Variants in MCMDC2 observed in about 807,000 individuals in gnomAD.
MCMDC2 encodes the protein minichromosome maintenance domain-containing protein 2.
MCMDC2 carries 54 observed loss-of-function variants against 75.8 expected under a neutral mutation model. The ratio of observed to expected loss-of-function variants is 0.71; its 90% CI spans 0.57 to 0.89. MCMDC2 has a LOEUF of 0.89. Among genes scored for constraint, MCMDC2 ranks in the 40% least tolerant of loss-of-function variants. The pLI is 0.00. For missense variants in MCMDC2, 656 were observed against 780.4 expected (o/e 0.84, Z 1.90); for synonymous variants, 249 against 274.6 (o/e 0.91, Z 0.92).
chr8:66,877,988 A>G (rs1007882924), intron 5 of MCMDC2, among the ~76,000 whole-genome samples: 3 of 152,028 alleles, frequency 2.0e-5, no homozygotes, highest in Non-Finnish European at 4.4e-5. Flanking sequence ...ATGTTTATAT[A>G]TTTACTTTGC....
chr8:66,877,500 G>T lies in MCMDC2; in HGVS notation c.437G>T (p.Gly146Val). The stretch of plus-strand genomic sequence containing the variant: ...ACAACTATAACCAAGTATACACAAG[G>T]GGCAAGATTTCTTTGTTCAGATGAA... ...AMTTITKYTQ[G>V]ARFLCSDEAC... The change falls in exon 5 of 15, where the codon GGG (glycine) becomes GTG (valine). Residue 146 changes from glycine to valine, a missense_variant. Gly to Val is a moderately radical substitution (Grantham distance 109). Coordinates refer to ENST00000422365, the MANE Select transcript of MCMDC2 (RefSeq NM_173518.5). 1 of 1,606,998 alleles carries T rather than the reference G, an allele frequency of 6.2e-7. No homozygotes were observed. The highest frequency in any genetic ancestry group is 8.5e-7 in the Non-Finnish European group (1 of 1,178,160).
Position 66,880,901 on chromosome 8 carries a change from T to C in MCMDC2, c.762T>C (p.Ile254=). 6.4e-7 allele frequency: 1 copy of C among 1,570,398 alleles called. No individual in the cohort carries two copies. Among genetic ancestry groups the C allele is most frequent in the South Asian group, 1.2e-5 (1 of 81,712 alleles). The stretch of plus-strand genomic sequence containing the variant: ...GAAATGAATATAAAATTATTGGAAT[T>C]CCAACCTGTGTAAAAACCTCACAAA... The part of the protein sequence containing the change: ...NIGNEYKIIG[I]PTCVKTSQTA... Residue 254 remains isoleucine (I), a synonymous_variant, in exon 8 of 15, where the codon ATT becomes ATC. Transcript: ENST00000422365.
At chr8:66,911,133 G>A (rs1563390044) in intron 14 of MCMDC2, among the ~76,000 whole-genome samples, 1 of 152,184 alleles carries the variant, frequency 6.6e-6, no homozygotes, top group Non-Finnish European at 1.5e-5. Context: ...GGGGTGGACT[G>A]ATATGGTTAG....
chr8:66,915,447 G>A (rs1362754465), intron 14 of MCMDC2, among the ~76,000 whole-genome samples: 6 of 142,656 alleles, frequency 4.2e-5, no homozygotes, highest in Non-Finnish European at 6.0e-5. Context: ...GCCAGACTCC[G>A]TCTCAAAAAA....
chr8:66,880,736 ACTC>A (rs1811518660), intron 7 of MCMDC2, 110 bp from the exon 8 acceptor site: 1 of 1,052,220 alleles, frequency 9.5e-7, no homozygotes, highest in African/African-American at 1.7e-5. Flanking sequence ...AAAAGTAAAT[ACTC>A]CTAACTCAAC....
Position 66,920,847 on chromosome 8 carries a change from A to T in MCMDC2, c.*1678A>T, listed in dbSNP as rs1009921797. ...GCTACCACCCTGGGATAACTTCTGC[A>T]TTTTTTGTAGAGATGGAATTTTGCC... On this transcript the variant is annotated 3_prime_UTR_variant, in exon 15 of 15. Coordinates refer to ENST00000422365, the MANE Select transcript of MCMDC2 (RefSeq NM_173518.5). 6.6e-6 allele frequency: 1 copy of T among 152,010 alleles called. No homozygotes were observed. Among genetic ancestry groups the T allele is most frequent in the Non-Finnish European group, 1.5e-5 (1 of 68,022 alleles). The allele number at this position is 152,010 out of a possible 1,614,324, so 9.4% of individuals were successfully genotyped here. A position where few individuals can be genotyped will look rare whatever the true frequency, so the allele number is the denominator to read the frequency against.
rs746627627 is a variant in MCMDC2 at position 66,878,635 on chromosome 8, CTT to C, written c.547_548del (p.Leu183ValfsTer2). 2.2e-5 allele frequency: 34 copies of C among 1,571,128 alleles called. No homozygotes were observed. The highest frequency in any genetic ancestry group is 4.0e-5 in the Admixed American group (2 of 49,396). ...ATESATIRND[F>X]LCNLCASSLQ... ...CAGAATCTGCAACGATAAGAAATGACTTTTTGTGTAATCTATGTGCATCTTCA... is the reference window on the plus strand; with the variant it reads ...CAGAATCTGCAACGATAAGAAATGACTTTGTGTAATCTATGTGCATCTTCA... On this transcript the variant is annotated frameshift_variant, in exon 6 of 15. Coordinates refer to ENST00000422365, the MANE Select transcript of MCMDC2 (RefSeq NM_173518.5). LOFTEE classifies it high-confidence loss of function.
chr8:66,918,980 ACTCTATT>A lies in MCMDC2; in HGVS notation c.1880-22_1880-16del, dbSNP rs776803709. 7.0e-6 allele frequency: 10 copies of A among 1,427,248 alleles called. No individual in the cohort carries two copies. The highest frequency in any genetic ancestry group is 9.2e-6 in the Non-Finnish European group (10 of 1,082,796). 88.4% of individuals were successfully genotyped at this position (1,427,248 alleles called of 1,614,324 possible). On this transcript the variant is annotated splice_polypyrimidine_tract_variant and intron_variant, in intron 14 of 14. Coordinates refer to ENST00000422365, the MANE Select transcript of MCMDC2 (RefSeq NM_173518.5). ...ATTTTAAGGAGTATTTGTCATTTAC[ACTCTATT>A]ATCTTCTTCATTTAGGGGCCACTGT... is the stretch of plus-strand genomic sequence containing the variant.
At chr8:66,893,050 G>A (rs1326011249) in intron 10 of MCMDC2, among the ~76,000 whole-genome samples, 2 of 152,136 alleles carry the variant, frequency 1.3e-5, no homozygotes, top group Admixed American at 6.6e-5. Context: ...GTCGTTGTCT[G>A]GTTCTGTATT....
chr8:66,904,186 G>A (rs1039802848), intron 13 of MCMDC2, among the ~76,000 whole-genome samples: 4 of 152,116 alleles, frequency 2.6e-5, no homozygotes, highest in African/African-American at 9.7e-5. Context: ...CAAAACTGCT[G>A]TCGTACTGCA....
chr8:66,896,095 T>C, intron 10 of MCMDC2, 75 bp from the exon 11 acceptor site: 1 of 1,300,762 alleles, frequency 7.7e-7, no homozygotes. Flanking sequence ...TTATATATAA[T>C]AATGTGTTAG....
At chr8:66,911,754 C>T (rs141881656) in intron 14 of MCMDC2, among the ~76,000 whole-genome samples, 10,618 of 150,768 alleles carry the variant, frequency 0.07, 630 homozygotes, top group African/African-American at 0.16. Context: ...ACCTGGGAGT[C>T]GGGGGTTGCA....
At chr8:66,898,349 G>A (rs1285154414) in intron 12 of MCMDC2, among the ~76,000 whole-genome samples, 1 of 152,076 alleles carries the variant, frequency 6.6e-6, no homozygotes, top group Non-Finnish European at 1.5e-5. Context: ...ATATAGGCCA[G>A]GCAAGGTGGC....
rs377744254 is a variant in MCMDC2 at position 66,883,796 on chromosome 8, C to A, written c.875C>A (p.Ser292Tyr). 2.5e-6 allele frequency: 4 copies of A among 1,613,318 alleles called. No individual in the cohort carries two copies. The highest frequency in any genetic ancestry group is 3.4e-6 in the Non-Finnish European group (4 of 1,179,638). ...AGTGACAACTTCAGGTGTCTCCTCTCCTTAACTTCCAGCTCATGCTGGAAG... is the reference window on the plus strand; with the variant it reads ...AGTGACAACTTCAGGTGTCTCCTCTACTTAACTTCCAGCTCATGCTGGAAG... ...GISDNFRCLL[S>Y]LTSSSCWKFT... The change falls in exon 9 of 15, where the codon TCC (serine) becomes TAC (tyrosine). Residue 292 changes from serine to tyrosine, a missense_variant. Transcript: ENST00000422365.
In MCMDC2 at chr8:66,883,787, G is replaced by A. The variant is rs575574051; in HGVS notation, c.866G>A (p.Cys289Tyr). 5.6e-6 allele frequency: 9 copies of A among 1,612,210 alleles called. No homozygotes were observed. The highest frequency in any genetic ancestry group is 2.2e-5 in the East Asian group (1 of 44,840). Residue 289 changes from cysteine to tyrosine, a missense_variant, in exon 9 of 15, where the codon TGT (cysteine) becomes TAT (tyrosine). By Grantham distance (194) the Cys-to-Tyr change is radical (BLOSUM62 -2). Coordinates refer to ENST00000422365, the MANE Select transcript of MCMDC2 (RefSeq NM_173518.5). ...VPSGISDNFR[C>Y]LLSLTSSSCW... is the part of the protein sequence containing the mutation. ...TCAGGAATTAGTGACAACTTCAGGT[G>A]TCTCCTCTCCTTAACTTCCAGCTCA...
rs905262865 is a variant in MCMDC2 at position 66,877,613 on chromosome 8, C to T, written c.481+69C>T. On this transcript the variant is annotated intron_variant, in intron 5 of 14. Coordinates refer to ENST00000422365, the MANE Select transcript of MCMDC2 (RefSeq NM_173518.5). ...GGCATGGTGGCTCACACCTGTAATC[C>T]CTGCACTTTGGGAAGCTGAGGAGGG... is the stretch of plus-strand genomic sequence containing the variant. 14 of 1,189,540 alleles carry T rather than the reference C, an allele frequency of 1.2e-5. No homozygotes were observed. The Admixed American group carries it at 3.1e-4, about 26-fold the overall frequency. 73.7% of individuals were successfully genotyped at this position (1,189,540 alleles called of 1,614,324 possible). A position where few individuals can be genotyped will look rare whatever the true frequency, so the allele number is the denominator to read the frequency against.
At chr8:66,880,767 A>G (rs1811520078) in intron 7 of MCMDC2, 82 bp from the exon 8 acceptor site, 2 of 1,276,636 alleles carry the variant, frequency 1.6e-6, no homozygotes, top group Non-Finnish European at 1.0e-6. Flanking sequence ...TTGTTTTACT[A>G]GTTCTGGATC....
In MCMDC2 at chr8:66,905,335, G is replaced by T. The variant is rs1812862741; in HGVS notation, c.1879G>T (p.Gly627Trp). ...TGAAACATCCCTCACATTGAAATAT[G>T]GTAATGAATTAAATTATTAATGATC... ...LFETSLTLKY[G>W]ATVFCVAPNA... is the part of the protein sequence containing the mutation. Residue 627 changes from glycine to tryptophan, a missense_variant and splice_region_variant, in exon 14 of 15, where the codon GGG becomes TGG. Coordinates refer to ENST00000422365, the MANE Select transcript of MCMDC2 (RefSeq NM_173518.5). 2 of 1,454,584 alleles carry T rather than the reference G, an allele frequency of 1.4e-6. No individual in the cohort carries two copies. Among genetic ancestry groups the T allele is most frequent in the Non-Finnish European group, 1.8e-6 (2 of 1,099,522 alleles). The allele number at this position is 1,454,584 out of a possible 1,614,324, so 90.1% of individuals were successfully genotyped here.
intron 14 of MCMDC2, among the ~76,000 whole-genome samples, chr8:66,914,412 G>T (rs1485717935): frequency 2.6e-5 from 4 of 152,132 alleles, no homozygotes; most frequent in African/African-American, 9.7e-5. Context: ...TGGATTTTAG[G>T]GAGACCTCTC....
Sources: gnomAD v4.1 joint callset for allele counts (sites outside exome capture counted in the v4.1 genomes callset) on GRCh38, gnomAD v4.1.1 for gene constraint, MANE v1.5 for transcripts, NCBI Gene and HGNC (gene_info 2026-07-23, HGNC 2026-07-21) for gene names.